The following RSRP1 variants were observed in gnomAD, a reference collection of about 807,000 sequenced individuals.
The protein encoded by RSRP1 is arginine/serine-rich protein 1.
A neutral mutation model predicts 33.0 loss-of-function variants in RSRP1; 37 were observed. The ratio of observed to expected loss-of-function variants is 1.12; its 90% CI spans 0.86 to 1.48. The LOEUF is 1.48. Ranked by LOEUF, RSRP1 falls within the 40% of genes most tolerant of loss-of-function variation. The probability of loss-of-function intolerance (pLI) is 0.00; values close to 1 mark genes in which losing one functional copy is unlikely to be tolerated. For missense variants in RSRP1, 402 were observed against 385.3 expected (o/e 1.04, Z -0.36); for synonymous variants, 167 against 158.7 (o/e 1.05, Z -0.40).
chr1:25,318,859 T>C (rs1041658483), intron 1 of RSRP1, among the ~76,000 whole-genome samples: 1 of 132,424 alleles, frequency 7.6e-6, no homozygotes, highest in Non-Finnish European at 1.8e-5. Context: ...ATGGAGGTAC[T>C]TTTTGGAGTT....
Position 25,270,378 on chromosome 1 carries a change from G to A in RSRP1, c.-66-23349C>T, listed in dbSNP as rs555756886. On this transcript the variant is annotated intron_variant, in intron 1 of 1. Transcript: ENST00000561867. ...CGCACAGCATGAGGGATAGGCCAGC[G>A]AGCACTACCGCCTGAGCTCCGCCTC... is the stretch of plus-strand genomic sequence containing the variant. Among the ~76,000 whole-genome samples, 261 of 130,680 alleles carry A rather than the reference G, an allele frequency of 2.0e-3. 25 individuals carry two copies. Among genetic ancestry groups the A allele is most frequent in the African/African-American group, 6.3e-3 (237 of 37,742 alleles). 85.7% of individuals were successfully genotyped at this position (130,680 alleles called of 152,430 possible). A position where few individuals can be genotyped will look rare whatever the true frequency, so the allele number is the denominator to read the frequency against.
At chr1:25,272,797 T>C in intron 1 of RSRP1, 1 of 1,289,144 alleles carries the variant, frequency 7.8e-7, no homozygotes, top group Non-Finnish European at 1.1e-6. Flanking sequence ...TTCTACAAAA[T>C]CCCAAGGAAA....
At position 25,322,877 on chromosome 1, in the gene RSRP1, G is replaced by A. The variant is rs1644793179; in HGVS notation, c.-67+15101C>T. 1.6e-5 allele frequency among the ~76,000 whole-genome samples: 2 copies of A among 126,644 alleles called. 1 individual carries two copies. The highest frequency in any genetic ancestry group is 5.4e-5 in the African/African-American group (2 of 37,188). 83.1% of individuals were successfully genotyped at this position (126,644 alleles called of 152,430 possible). ...TAGAAAGGGGAGCGGGAATTGAGCT[G>A]AAGCAATCTTACAGAAGTAAAACAG... On this transcript the variant is annotated intron_variant, in intron 1 of 1. Coordinates refer to the RSRP1 transcript ENST00000561867.
chr1:25,279,644 G>A lies in RSRP1; in HGVS notation c.-66-32615C>T, dbSNP rs545658727. Among the ~76,000 whole-genome samples the A allele has an allele frequency of 6.3e-3, 784 of 124,082 alleles. 138 individuals carry two copies. The highest frequency in any genetic ancestry group is 0.019 in the African/African-American group (659 of 35,308). 81.4% of individuals were successfully genotyped at this position (124,082 alleles called of 152,430 possible). ...GTTGTGGGCTAAGTCTGTAAGGCAC[G>A]TAGAACAGTGCCTGGAACGTGGGGT... On this transcript the variant is annotated intron_variant, in intron 1 of 1. Transcript: ENST00000561867.
Position 25,289,497 on chromosome 1 carries a change from A to C in RSRP1, c.-66-42468T>G, listed in dbSNP as rs145856160. 5.5e-3 allele frequency among the ~76,000 whole-genome samples: 734 copies of C among 132,452 alleles called. 99 individuals carry two copies. The highest frequency in any genetic ancestry group is 0.018 in the African/African-American group (709 of 38,922). The allele number at this position is 132,452 out of a possible 152,430, so 86.9% of individuals were successfully genotyped here. A position where few individuals can be genotyped will look rare whatever the true frequency, so the allele number is the denominator to read the frequency against. On this transcript the variant is annotated intron_variant, in intron 1 of 1. Transcript: ENST00000561867. ...GGCATGAGCCACTGCACCCAGCCTT[A>C]TAGGGTTAAAATTTAAAAGAGGTGA... is the stretch of plus-strand genomic sequence containing the variant.
intron 1 of RSRP1, among the ~76,000 whole-genome samples, chr1:25,313,589 T>A (rs1644278340): frequency 7.6e-6 from 1 of 131,954 alleles, no homozygotes; most frequent in African/African-American, 2.6e-5. Flanking sequence ...AGGAAAGTTT[T>A]GTTGTTCACA....
intron 1 of RSRP1, among the ~76,000 whole-genome samples, chr1:25,287,195 G>A (rs1173953474): frequency 4.4e-5 from 6 of 135,482 alleles, no homozygotes; most frequent in East Asian, 3.9e-4. Context: ...CACCTGGGAA[G>A]TGACAAAGGG....
chr1:25,254,651 G>T (rs778363654), intron 1 of RSRP1, among the ~76,000 whole-genome samples: 8 of 152,016 alleles, frequency 5.3e-5, no homozygotes, highest in Non-Finnish European at 8.8e-5. Context: ...GACCAGGCTG[G>T]TCTCGAACTC....
rs1426171023 is a variant in RSRP1, at chr1:25,279,053, G to A, written c.-66-32024C>T. ...AGAAGGAGGGGCAAGAGTGGGAGGG[G>A]GCGCAGATCCAGAATCACGGAGGCA... is the stretch of plus-strand genomic sequence containing the variant. On this transcript the variant is annotated intron_variant, in intron 1 of 1. Coordinates refer to the RSRP1 transcript ENST00000561867. Among the ~76,000 whole-genome samples, 16 of 129,770 alleles carry A rather than the reference G, an allele frequency of 1.2e-4. 2 individuals are homozygous for A. The highest frequency in any genetic ancestry group is 4.3e-4 in the African/African-American group (16 of 37,462). 85.1% of individuals were successfully genotyped at this position (129,770 alleles called of 152,430 possible). A position where few individuals can be genotyped will look rare whatever the true frequency, so the allele number is the denominator to read the frequency against.
intron 1 of RSRP1, among the ~76,000 whole-genome samples, chr1:25,313,057 T>C (rs1175184714): frequency 4.0e-5 from 5 of 126,486 alleles, no homozygotes. Flanking sequence ...ATTTCATGTG[T>C]TGGAAACTTA....
chr1:25,270,865 T>C lies in RSRP1; in HGVS notation c.-66-23836A>G, dbSNP rs1354981013. On this transcript the variant is annotated intron_variant, in intron 1 of 1. Transcript: ENST00000561867. ...GTGCCTAGCAAGTACTTAATAACAG[T>C]TAGCTCTGAAAATGTATAAAGCAAA... is the stretch of plus-strand genomic sequence containing the variant. 1.5e-5 allele frequency among the ~76,000 whole-genome samples: 2 copies of C among 131,646 alleles called. 1 individual carries two copies. Among genetic ancestry groups the C allele is most frequent in the Non-Finnish European group, 3.6e-5 (2 of 55,626 alleles). 86.4% of individuals were successfully genotyped at this position (131,646 alleles called of 152,430 possible).
At chr1:25,247,261 A>T in intron 1 of RSRP1, 48 bp downstream of exon 1, 1 of 385,486 alleles carries the variant, frequency 2.6e-6, no homozygotes, top group African/African-American at 2.1e-5. Flanking sequence ...CTCACTCCTG[A>T]GAGACCACTG....
In RSRP1 at chr1:25,245,350, A is replaced by G. The variant is rs1639280727; in HGVS notation, c.521-49T>C. 2.6e-6 allele frequency: 4 copies of G among 1,552,286 alleles called. No individual in the cohort carries two copies. The African/African-American group carries it at 4.1e-5, about 16-fold the overall frequency. ...TAAAATACTCATTAATCTGGTAGTT[A>G]TTTCCCAAGAGAACTCAGAATTACA... On this transcript the variant is annotated intron_variant, in intron 2 of 4. Coordinates refer to ENST00000243189, the MANE Select transcript of RSRP1 (RefSeq NM_020317.5).
chr1:25,320,859 T>C lies in RSRP1; in HGVS notation c.-67+17119A>G, dbSNP rs1326508889. 1.5e-5 allele frequency among the ~76,000 whole-genome samples: 2 copies of C among 130,670 alleles called. 1 individual carries two copies. Among genetic ancestry groups the C allele is most frequent in the African/African-American group, 5.2e-5 (2 of 38,392 alleles). 85.7% of individuals were successfully genotyped at this position (130,670 alleles called of 152,430 possible). On this transcript the variant is annotated intron_variant, in intron 1 of 1. Coordinates refer to the RSRP1 transcript ENST00000561867. ...GTGTTCAAGACCAGCCTGGGCAACA[T>C]GGCTAAGTCCTGTCTCTGCAAAAAA...
At chr1:25,336,906 A>C (rs1425278614) in intron 1 of RSRP1, 1 of 151,984 alleles carries the variant, frequency 6.6e-6, no homozygotes, top group East Asian at 1.9e-4. Flanking sequence ...AACAAACAAA[A>C]AAACCCAAAG....
At chr1:25,255,966 G>C (rs1166948695) in intron 1 of RSRP1, among the ~76,000 whole-genome samples, 2 of 152,112 alleles carry the variant, frequency 1.3e-5, no homozygotes, top group Admixed American at 6.6e-5. Flanking sequence ...GTTCCTAACA[G>C]GCCACAAATG....
intron 1 of RSRP1, chr1:25,303,578 T>C (rs1643566953): frequency 1.9e-6 from 2 of 1,078,080 alleles, no homozygotes; most frequent in Admixed American, 2.0e-5. Flanking sequence ...CATTCTCTTA[T>C]TGGCTTCAAC....
Position 25,268,511 on chromosome 1 carries a change from G to A in RSRP1, c.-66-21482C>T, listed in dbSNP as rs144472524. Among the ~76,000 whole-genome samples the A allele has an allele frequency of 9.2e-5, 12 of 130,156 alleles. 2 individuals carry two copies. The highest frequency in any genetic ancestry group is 3.9e-4 in the East Asian group (2 of 5,094). 85.4% of individuals were successfully genotyped at this position (130,156 alleles called of 152,430 possible). Reference sequence around the variant, plus strand: ...TCCAGCCTGGGTGACAGAGTACTCCGTCTAAAAAAAAAACCTAAATACACA... The same window carrying A: ...TCCAGCCTGGGTGACAGAGTACTCCATCTAAAAAAAAAACCTAAATACACA... On this transcript the variant is annotated intron_variant, in intron 1 of 1. Coordinates refer to the RSRP1 transcript ENST00000561867.
At chr1:25,261,456 G>A (rs1640146834) in intron 1 of RSRP1, among the ~76,000 whole-genome samples, 1 of 150,108 alleles carries the variant, frequency 6.7e-6, no homozygotes, top group African/African-American at 2.5e-5. Context: ...CCAGGCTGGA[G>A]TGCAGTGGTG....
Sources: allele counts gnomAD v4.1 joint callset (sites outside exome capture counted in the v4.1 genomes callset), GRCh38; gene constraint gnomAD v4.1.1; transcripts MANE v1.5; gene names NCBI Gene and HGNC (gene_info 2026-07-23, HGNC 2026-07-21).